The following LRRC1 variants were observed in gnomAD, a reference collection of about 807,000 sequenced individuals.
LRRC1 encodes leucine rich repeat containing 1.
In LRRC1, 28 loss-of-function variants were observed where a neutral mutation model predicts 69.9. That is an observed-to-expected ratio of 0.40 (90% CI 0.30 to 0.55). LRRC1 has a LOEUF of 0.55. Ranked by LOEUF, LRRC1 falls within the 20% of genes least tolerant of loss-of-function variation. The probability of loss-of-function intolerance (pLI) is 0.47; values close to 1 mark genes in which losing one functional copy is unlikely to be tolerated. For synonymous variants in LRRC1, 236 were observed against 240.2 expected (o/e 0.98, Z 0.16); for missense variants, 498 against 609.0 (o/e 0.82, Z 1.92).
intron 1 of LRRC1, among the ~76,000 whole-genome samples, chr6:53,835,114 A>C (rs952912323): frequency 6.9e-6 from 1 of 145,148 alleles, no homozygotes; most frequent in Non-Finnish European, 1.6e-5. Flanking sequence ...ATACCATACA[A>C]TTCACCCAAG....
intron 8 of LRRC1, among the ~76,000 whole-genome samples, chr6:53,901,961 A>G (rs1192796747): frequency 1.3e-5 from 2 of 152,182 alleles, no homozygotes; most frequent in Non-Finnish European, 1.5e-5. Context: ...TTAGCCACTC[A>G]GTAGAGAATG....
chr6:53,914,482 C>T (rs1345666526), intron 11 of LRRC1, among the ~76,000 whole-genome samples: 1 of 152,112 alleles, frequency 6.6e-6, no homozygotes. Context: ...TCAGAATCTC[C>T]AAATGATTCA....
intron 2 of LRRC1, among the ~76,000 whole-genome samples, chr6:53,856,739 T>C (rs1204603564): frequency 2.6e-5 from 4 of 152,008 alleles, no homozygotes; most frequent in African/African-American, 9.7e-5. Flanking sequence ...TGGGGAATCA[T>C]GAAAGGGTTT....
rs375261837 is a variant in LRRC1 at position 53,856,963 on chromosome 6, C to T, written c.277+14736C>T. On this transcript the variant is annotated intron_variant, in intron 2 of 13. Transcript: ENST00000370888. ...GAGAGGTTTTGGGTCTGGATAAGTT[C>T]CCACTTCCCACCACAGGTAAGATGG... 3.3e-5 allele frequency among the ~76,000 whole-genome samples: 5 copies of T among 152,080 alleles called. No homozygotes were observed. In the South Asian group the frequency reaches 1.0e-3, roughly 32 times the overall value.
At chr6:53,840,884 TTG>T (rs57491487) in intron 1 of LRRC1, among the ~76,000 whole-genome samples, 10,667 of 125,106 alleles carry the variant, frequency 0.085, 455 homozygotes, top group African/African-American at 0.12. Context: ...GGGTATGTGT[TTG>T]TGTGTGTGTG....
intron 1 of LRRC1, among the ~76,000 whole-genome samples, chr6:53,815,331 C>T (rs1764920882): frequency 6.6e-6 from 1 of 152,162 alleles, no homozygotes; most frequent in Non-Finnish European, 1.5e-5. Flanking sequence ...ATCTCCGAGC[C>T]TCATTTTTCT....
At chr6:53,881,703 C>A (rs1767296109) in intron 3 of LRRC1, among the ~76,000 whole-genome samples, 1 of 152,064 alleles carries the variant, frequency 6.6e-6, no homozygotes, top group Non-Finnish European at 1.5e-5. Context: ...ATGGAAGATT[C>A]TAATCTAGAG....
chr6:53,853,468 A>G (rs904164821), intron 2 of LRRC1, among the ~76,000 whole-genome samples: 4 of 151,986 alleles, frequency 2.6e-5, no homozygotes, highest in African/African-American at 9.7e-5. Flanking sequence ...TATATTTAGT[A>G]GAGACGGGGT....
chr6:53,799,254 T>G (rs1764396160), intron 1 of LRRC1, among the ~76,000 whole-genome samples: 1 of 152,260 alleles, frequency 6.6e-6, no homozygotes, highest in Admixed American at 6.5e-5. Flanking sequence ...TTTTTTCCTG[T>G]CCTTTAGAGC....
rs45473902 is a variant in LRRC1, at chr6:53,919,478, A to T, written c.1107-20A>T. ...TTGAGGTTGTGATGTCTCTTTTTTTAAAAAAAAAAAAAAAAACAGGTTGCT... is the reference window on the plus strand; with the variant it reads ...TTGAGGTTGTGATGTCTCTTTTTTTTAAAAAAAAAAAAAAAACAGGTTGCT... On this transcript the variant is annotated intron_variant, in intron 11 of 13. Transcript: ENST00000370888. 68,918 of 440,530 alleles carry T rather than the reference A, an allele frequency of 0.16. 472 individuals are homozygous for T. The highest frequency in any genetic ancestry group is 0.33 in the East Asian group (6,177 of 18,546). 27.3% of individuals were successfully genotyped at this position (440,530 alleles called of 1,614,324 possible).
chr6:53,851,648 G>C (rs562807041), intron 2 of LRRC1, among the ~76,000 whole-genome samples: 2 of 152,152 alleles, frequency 1.3e-5, no homozygotes, highest in Non-Finnish European at 2.9e-5. Flanking sequence ...GCATCCTGTG[G>C]TGCAGTGAAA....
At chr6:53,884,878 C>T (rs1387198370) in intron 4 of LRRC1, among the ~76,000 whole-genome samples, 1 of 152,022 alleles carries the variant, frequency 6.6e-6, no homozygotes. Flanking sequence ...CTGCTTTTGT[C>T]AGTGTTCAAG....
chr6:53,913,388 A>G (rs1426908185), intron 10 of LRRC1, among the ~76,000 whole-genome samples: 3 of 152,036 alleles, frequency 2.0e-5, no homozygotes, highest in African/African-American at 4.8e-5. Context: ...AAAAACTGGA[A>G]CACCAAGAAT....
rs536190630 is a variant in LRRC1 at position 53,808,582 on chromosome 6, G to C, written c.159+13167G>C. Among the ~76,000 whole-genome samples, 4 of 152,194 alleles carry C rather than the reference G, an allele frequency of 2.6e-5. No homozygotes were observed. In the South Asian group the frequency reaches 8.3e-4, roughly 32 times the overall value. On this transcript the variant is annotated intron_variant, in intron 1 of 13. Coordinates refer to ENST00000370888, the MANE Select transcript of LRRC1 (RefSeq NM_018214.5). ...ATAAACTGGTTTATTTTACAGATGA[G>C]GATACTGGGACATGGAGAGGGTAAA... is the stretch of plus-strand genomic sequence containing the variant.
At position 53,827,310 on chromosome 6, in the gene LRRC1, C is replaced by CAAAA. The variant is rs11387003; in HGVS notation, c.160-14787_160-14784dup. Among the ~76,000 whole-genome samples the CAAAA allele has an allele frequency of 1.2e-4, 15 of 126,048 alleles. 1 individual carries two copies. The highest frequency in any genetic ancestry group is 1.3e-4 in the Non-Finnish European group (8 of 59,508). 82.7% of individuals were successfully genotyped at this position (126,048 alleles called of 152,430 possible). A position where few individuals can be genotyped will look rare whatever the true frequency, so the allele number is the denominator to read the frequency against. ...AAATGAAATCGAATAAACACTTCCA[C>CAAAA]AAAAAAAAAAAAAAAACAGTTGAAG... On this transcript the variant is annotated intron_variant, in intron 1 of 13. Coordinates refer to ENST00000370888, the MANE Select transcript of LRRC1 (RefSeq NM_018214.5).
chr6:53,899,770 G>A lies in LRRC1; in HGVS notation c.666G>A (p.Leu222=), dbSNP rs927677628. ...AGGAAATAGGAAATCTGAAGAACCT[G>A]CTGTGTTTAGATGTCTCTGAAAACA... The part of the protein sequence containing the change: ...LPQEIGNLKN[L]LCLDVSENRL... The change falls in exon 8 of 14, where the codon CTG becomes CTA. Residue 222 remains leucine (L), a synonymous_variant. Coordinates refer to ENST00000370888, the MANE Select transcript of LRRC1 (RefSeq NM_018214.5). 1.2e-6 allele frequency: 2 copies of A among 1,613,842 alleles called. No individual in the cohort carries two copies. Among genetic ancestry groups the A allele is most frequent in the African/African-American group, 2.7e-5 (2 of 74,924 alleles).
intron 1 of LRRC1, among the ~76,000 whole-genome samples, chr6:53,822,393 A>G (rs1477864260): frequency 6.6e-6 from 1 of 152,224 alleles, no homozygotes; most frequent in Non-Finnish European, 1.5e-5. Context: ...GAGAAGTAAT[A>G]TGAGTTTTAT....
chr6:53,828,576 C>T (rs1765338552), intron 1 of LRRC1, among the ~76,000 whole-genome samples: 1 of 152,238 alleles, frequency 6.6e-6, no homozygotes, highest in African/African-American at 2.4e-5. Flanking sequence ...TGAACTCCTT[C>T]CATTCCTTTC....
At chr6:53,865,001 T>C (rs1766651347) in intron 2 of LRRC1, among the ~76,000 whole-genome samples, 1 of 152,154 alleles carries the variant, frequency 6.6e-6, no homozygotes, top group Admixed American at 6.5e-5. Flanking sequence ...CGATTGCGTG[T>C]GCACTCTTGA....
Sources: gnomAD v4.1 joint callset for allele counts (sites outside exome capture counted in the v4.1 genomes callset) on GRCh38, gnomAD v4.1.1 for gene constraint, MANE v1.5 for transcripts, NCBI Gene and HGNC (gene_info 2026-07-23, HGNC 2026-07-21) for gene names.